NR3C2: variants seen among roughly 807,000 people sequenced by gnomAD.
NR3C2 encodes mineralocorticoid receptor.
Under a neutral mutation model 86.4 loss-of-function variants are expected in NR3C2, and 15 were observed. The observed-to-expected ratio is 0.17, with a 90% CI of 0.12 to 0.27. NR3C2 has a LOEUF of 0.27. Among genes scored for constraint, NR3C2 ranks in the 10% least tolerant of loss-of-function variants. NR3C2 has a pLI of 1.00. For missense variants in NR3C2, 960 were observed against 1,195.6 expected (o/e 0.80, Z 2.91); for synonymous variants, 458 against 450.5 (o/e 1.02, Z -0.21).
chr4:148,348,090 T>G (rs1183174332), intron 2 of NR3C2, among the ~76,000 whole-genome samples: 1 of 152,134 alleles, frequency 6.6e-6, no homozygotes, highest in Non-Finnish European at 1.5e-5. Flanking sequence ...AGAAGAGGAA[T>G]GGACACTCTC....
At chr4:148,335,747 G>A (rs1254691184) in intron 2 of NR3C2, among the ~76,000 whole-genome samples, 1 of 149,318 alleles carries the variant, frequency 6.7e-6, no homozygotes, top group Non-Finnish European at 1.5e-5. Context: ...TTTGCTATGT[G>A]TCTAAAAAGT....
At chr4:148,406,309 T>C (rs1225310523) in intron 2 of NR3C2, among the ~76,000 whole-genome samples, 7 of 152,028 alleles carry the variant, frequency 4.6e-5, no homozygotes, top group Non-Finnish European at 8.8e-5. Flanking sequence ...AATATACACA[T>C]TTTGATGGAG....
At chr4:148,086,685 TGA>T (rs1322140160) in intron 8 of NR3C2, among the ~76,000 whole-genome samples, 8 of 152,166 alleles carry the variant, frequency 5.3e-5, no homozygotes, top group African/African-American at 1.2e-4. Context: ...GAGGTTGCAG[TGA>T]GCCAAGATTG....
intron 8 of NR3C2, among the ~76,000 whole-genome samples, chr4:148,101,822 ATTCTC>A (rs1731551793): frequency 6.6e-6 from 1 of 152,102 alleles, no homozygotes; most frequent in South Asian, 2.1e-4. Context: ...AAGAGCCATC[ATTCTC>A]TTCTATTTAT....
chr4:148,292,571 CCT>C (rs1741848830), intron 2 of NR3C2, among the ~76,000 whole-genome samples: 2 of 152,014 alleles, frequency 1.3e-5, no homozygotes, highest in Non-Finnish European at 2.9e-5. Flanking sequence ...AAAACTAGTT[CCT>C]CTTAGTCCCT....
At chr4:148,135,933 T>C (rs1733288587) in intron 6 of NR3C2, among the ~76,000 whole-genome samples, 1 of 127,802 alleles carries the variant, frequency 7.8e-6, no homozygotes. Flanking sequence ...GGCGGGCGCC[T>C]GTAGTCCCAG....
chr4:148,223,780 G>T (rs2149830532), intron 3 of NR3C2, among the ~76,000 whole-genome samples: 1 of 152,244 alleles, frequency 6.6e-6, no homozygotes, highest in African/African-American at 2.4e-5. Flanking sequence ...ATTACTTTAA[G>T]GTTATAAATG....
intron 6 of NR3C2, among the ~76,000 whole-genome samples, chr4:148,138,484 G>A (rs1401188301): frequency 6.6e-6 from 1 of 152,050 alleles, no homozygotes; most frequent in Non-Finnish European, 1.5e-5. Context: ...CTGGGCTCAG[G>A]TGGATCCTCC....
intron 3 of NR3C2, among the ~76,000 whole-genome samples, chr4:148,218,590 CA>C: frequency 6.6e-6 from 1 of 152,054 alleles, no homozygotes; most frequent in Non-Finnish European, 1.5e-5. Context: ...AGTCAATTTA[CA>C]GAGCTTCATA....
At chr4:148,135,003 T>C (rs1009316525) in intron 6 of NR3C2, among the ~76,000 whole-genome samples, 4 of 151,886 alleles carry the variant, frequency 2.6e-5, no homozygotes, top group Non-Finnish European at 5.9e-5. Context: ...GGCAATCTTG[T>C]GAAAGAAAGG....
chr4:148,435,959 G>A lies in NR3C2; in HGVS notation c.902C>T (p.Ala301Val). Reference protein sequence around the residue: ...VTLRSSVSSPANINNSRCSVS... With the variant: ...VTLRSSVSSPVNINNSRCSVS... ...AGAGCACCTTGAGTTGTTAATATTTGCAGGGCTAGACACAGAGGATCTCAG... is the reference window on the plus strand; with the variant it reads ...AGAGCACCTTGAGTTGTTAATATTTACAGGGCTAGACACAGAGGATCTCAG... The change falls in exon 2 of 9, where the codon GCA becomes GTA. Residue 301 changes from alanine to valine, a missense_variant. Ala to Val is a moderately conservative substitution (Grantham distance 64). Transcript: ENST00000358102. 6.2e-7 allele frequency: 1 copy of A among 1,614,200 alleles called. No individual in the cohort carries two copies. The highest frequency in any genetic ancestry group is 8.5e-7 in the Non-Finnish European group (1 of 1,180,032).
chr4:148,330,345 C>T (rs1744169088), intron 2 of NR3C2, among the ~76,000 whole-genome samples: 1 of 152,146 alleles, frequency 6.6e-6, no homozygotes, highest in Admixed American at 6.5e-5. Context: ...GCCTTAGAAG[C>T]ACAACTGGTC....
intron 4 of NR3C2, among the ~76,000 whole-genome samples, chr4:148,167,190 G>A (rs955178917): frequency 1.3e-5 from 2 of 152,146 alleles, no homozygotes; most frequent in African/African-American, 2.4e-5. Context: ...AGGACAAGCC[G>A]CTCCTGGGTC....
At chr4:148,421,640 C>T (rs1749285458) in intron 2 of NR3C2, among the ~76,000 whole-genome samples, 1 of 152,154 alleles carries the variant, frequency 6.6e-6, no homozygotes, top group African/African-American at 2.4e-5. Flanking sequence ...CAGTCATGGA[C>T]ATCTAGCCAT....
At chr4:148,352,373 C>CATCTATCT (rs3045288) in intron 2 of NR3C2, among the ~76,000 whole-genome samples, 6,894 of 146,252 alleles carry the variant, frequency 0.047, 190 homozygotes, top group Non-Finnish European at 0.054. Flanking sequence ...CAACTCCTAT[C>CATCTATCT]ATCTATCTAT....
intron 2 of NR3C2, among the ~76,000 whole-genome samples, chr4:148,373,503 C>T (rs1384438375): frequency 7.6e-6 from 1 of 131,842 alleles, no homozygotes; most frequent in Non-Finnish European, 1.5e-5. Flanking sequence ...TAGATGGAGT[C>T]TCGCTCTGTC....
chr4:148,107,094 T>C (rs961804469), intron 8 of NR3C2, among the ~76,000 whole-genome samples: 1 of 151,748 alleles, frequency 6.6e-6, no homozygotes, highest in Non-Finnish European at 1.5e-5. Context: ...TGGGAGAAAA[T>C]TTTTGCAATC....
chr4:148,314,361 T>C (rs1743057762), intron 2 of NR3C2, among the ~76,000 whole-genome samples: 1 of 152,204 alleles, frequency 6.6e-6, no homozygotes, highest in East Asian at 1.9e-4. Flanking sequence ...TATATAACTA[T>C]GCTTAAAATA....
chr4:148,429,128 G>C (rs1560730492), intron 2 of NR3C2, among the ~76,000 whole-genome samples: 1 of 152,048 alleles, frequency 6.6e-6, no homozygotes, highest in Non-Finnish European at 1.5e-5. Flanking sequence ...GATTTTCAAT[G>C]CTAAGTGTAA....
Sources: gnomAD v4.1 joint callset for allele counts (sites outside exome capture counted in the v4.1 genomes callset) on GRCh38, gnomAD v4.1.1 for gene constraint, MANE v1.5 for transcripts, NCBI Gene and HGNC (gene_info 2026-07-23, HGNC 2026-07-21) for gene names.